MYO1D: variants seen among roughly 807,000 people sequenced by gnomAD.
The protein encoded by MYO1D is myosin ID, also known as unconventional myosin-Id.
A neutral mutation model predicts 122.0 loss-of-function variants in MYO1D; 83 were observed. The ratio of observed to expected loss-of-function variants is 0.68; its 90% confidence interval spans 0.57 to 0.82. MYO1D has a LOEUF of 0.82. Ranked by LOEUF, MYO1D falls within the 40% of genes least tolerant of loss-of-function variation. The probability of loss-of-function intolerance (pLI) is 0.00; values close to 1 mark genes in which losing one functional copy is unlikely to be tolerated. For missense variants in MYO1D, 1,157 were observed against 1,269.5 expected, an observed-to-expected ratio of 0.91 and a Z score of 1.35; for synonymous variants, 464 against 446.9, an observed-to-expected ratio of 1.04 and a Z score of -0.48.
chr17:32,803,367 C>T lies in MYO1D; in HGVS notation c.96-22583G>A, dbSNP rs1271095189. On this transcript the variant is annotated intron_variant, in intron 1 of 21. Transcript: ENST00000318217. ...TTCACCGTGTTAGCCAGGATGGTCT[C>T]GATCTCCTGACCTCCTGATCTGCCC... 5.9e-5 allele frequency among the ~76,000 whole-genome samples: 9 copies of T among 151,852 alleles called. No individual in the cohort carries two copies. In the South Asian group the frequency reaches 1.9e-3, roughly 32 times the overall value.
chr17:32,502,272 A>C (rs1437761527), intron 21 of MYO1D, among the ~76,000 whole-genome samples: 3 of 152,242 alleles, frequency 2.0e-5, no homozygotes, highest in Non-Finnish European at 4.4e-5. Context: ...TGAACCTTGA[A>C]CCTTGAAACA....
intron 1 of MYO1D, among the ~76,000 whole-genome samples, chr17:32,824,842 C>T (rs1323313807): frequency 1.3e-5 from 2 of 152,190 alleles, no homozygotes; most frequent in Non-Finnish European, 1.5e-5. Flanking sequence ...CCCGCTCTTC[C>T]TCCCTCCCTC....
chr17:32,688,943 G>A (rs932705465), intron 16 of MYO1D, among the ~76,000 whole-genome samples: 2 of 151,854 alleles, frequency 1.3e-5, no homozygotes, highest in Non-Finnish European at 2.9e-5. Context: ...GTGTGTGTGT[G>A]TGTGTATGTG....
intron 1 of MYO1D, among the ~76,000 whole-genome samples, chr17:32,870,017 A>T (rs1454883751): frequency 6.6e-6 from 1 of 152,146 alleles, no homozygotes; most frequent in Admixed American, 6.5e-5. Flanking sequence ...GATTCCACCC[A>T]CATCTGGCTC....
At chr17:32,761,190 C>T (rs561242152) in intron 8 of MYO1D, among the ~76,000 whole-genome samples, 3 of 152,246 alleles carry the variant, frequency 2.0e-5, no homozygotes, top group East Asian at 3.9e-4. Flanking sequence ...ATTCACATCC[C>T]GATACACATG....
intron 21 of MYO1D, among the ~76,000 whole-genome samples, chr17:32,576,623 T>G (rs2087280879): frequency 6.6e-6 from 1 of 152,222 alleles, no homozygotes; most frequent in African/African-American, 2.4e-5. Flanking sequence ...GATTTACTAC[T>G]GCCTCTTTTT....
intron 20 of MYO1D, among the ~76,000 whole-genome samples, chr17:32,607,164 A>G (rs1218227963): frequency 1.4e-5 from 2 of 140,028 alleles, no homozygotes; most frequent in Admixed American, 1.4e-4. Flanking sequence ...CATCTCAAAG[A>G]AAAAAAAAAT....
At chr17:32,510,306 C>T (rs1415064897) in intron 21 of MYO1D, 1 of 152,254 alleles carries the variant, frequency 6.6e-6, no homozygotes, top group African/African-American at 2.4e-5. Flanking sequence ...CTTTGAACCT[C>T]CTGTAACGAT....
At chr17:32,569,421 T>G (rs1343972804) in intron 21 of MYO1D, among the ~76,000 whole-genome samples, 1 of 152,238 alleles carries the variant, frequency 6.6e-6, no homozygotes, top group Non-Finnish European at 1.5e-5. Context: ...TTCTCAGACC[T>G]GCATGACCAA....
chr17:32,586,991 G>A (rs2087392137), intron 21 of MYO1D, among the ~76,000 whole-genome samples: 1 of 152,032 alleles, frequency 6.6e-6, no homozygotes, highest in Non-Finnish European at 1.5e-5. Flanking sequence ...TTTCTTGATG[G>A]GTATGATGAA....
intron 5 of MYO1D, 60 bp downstream of exon 5, chr17:32,772,729 A>G (rs2090128382): frequency 1.4e-6 from 2 of 1,391,852 alleles, no homozygotes; most frequent in Non-Finnish European, 2.0e-6. Flanking sequence ...CCAAGACACA[A>G]ATACTCATTT....
Position 32,682,963 on chromosome 17 carries a change from T to C in MYO1D, c.2122-23625A>G, listed in dbSNP as rs1304895156. ...TTGCTCATTTCTTTTTATTCTTTTT[T>C]CTCTAAACTTCCCTTCTCGCTTCAT... On this transcript the variant is annotated intron_variant, in intron 16 of 21. Transcript: ENST00000318217. Among the ~76,000 whole-genome samples, 4 of 105,124 alleles carry C rather than the reference T, an allele frequency of 3.8e-5. No homozygotes were observed. The Admixed American group carries it at 4.1e-4, about 11-fold the overall frequency. 69.0% of individuals were successfully genotyped at this position (105,124 alleles called of 152,430 possible).
At chr17:32,759,795 T>A (rs1216964809) in intron 10 of MYO1D, 1 of 308,388 alleles carries the variant, frequency 3.2e-6, no homozygotes, top group African/African-American at 2.2e-5. Flanking sequence ...ATAATTGAAG[T>A]GTAATACACA....
chr17:32,654,274 G>T lies in MYO1D; in HGVS notation c.2490+203C>A. Among the ~76,000 whole-genome samples, 3 of 152,270 alleles carry T rather than the reference G, an allele frequency of 2.0e-5. 1 individual carries two copies. The South Asian group carries it at 6.2e-4, about 32-fold the overall frequency. ...TTATAGAGTGTATTTAATACATATG[G>T]ATACAACACACAGAACCCTTTTAAA... On this transcript the variant is annotated intron_variant, in intron 18 of 21. Transcript: ENST00000318217.
At chr17:32,576,514 A>G (rs2087279665) in intron 21 of MYO1D, among the ~76,000 whole-genome samples, 1 of 152,254 alleles carries the variant, frequency 6.6e-6, no homozygotes, top group Admixed American at 6.5e-5. Context: ...GGATATCAAA[A>G]TAACCTTAAT....
At chr17:32,582,077 A>AT (rs973650032) in intron 21 of MYO1D, among the ~76,000 whole-genome samples, 3 of 151,412 alleles carry the variant, frequency 2.0e-5, no homozygotes, top group African/African-American at 4.9e-5. Flanking sequence ...TGGCTGGCTG[A>AT]TTTTTTTGTA....
chr17:32,754,237 G>A (rs2089925369), intron 11 of MYO1D, among the ~76,000 whole-genome samples: 1 of 152,180 alleles, frequency 6.6e-6, no homozygotes, highest in Non-Finnish European at 1.5e-5. Flanking sequence ...ATCTTTAAAA[G>A]CATCACTCTA....
chr17:32,772,869 A>G (rs760097600), intron 4 of MYO1D, 27 bp from the exon 5 acceptor site: 7 of 1,603,916 alleles, frequency 4.4e-6, no homozygotes, highest in Non-Finnish European at 6.0e-6. Context: ...TAAAATGGTT[A>G]ACCCGAAAAT....
chr17:32,700,494 CAA>C (rs902641349), intron 16 of MYO1D, among the ~76,000 whole-genome samples: 2 of 152,074 alleles, frequency 1.3e-5, no homozygotes, highest in African/African-American at 4.8e-5. Flanking sequence ...AGCAGATCCA[CAA>C]AAAATTTCAC....
Sources: allele counts gnomAD v4.1 joint callset (sites outside exome capture counted in the v4.1 genomes callset), GRCh38; gene constraint gnomAD v4.1.1; transcripts MANE v1.5; gene names NCBI Gene and HGNC (gene_info 2026-07-23, HGNC 2026-07-21).